The following CYRIB variants were observed in gnomAD, a reference collection of about 807,000 sequenced individuals.
CYRIB encodes CYFIP-related Rac1 interactor B.
CYRIB carries 8 observed loss-of-function variants against 44.2 expected under a neutral mutation model. The ratio of observed to expected loss-of-function variants is 0.18; its 90% confidence interval spans 0.11 to 0.33. The LOEUF (loss-of-function observed/expected upper bound fraction) is 0.33, where lower values mean the gene tolerates loss of function less well. Among genes scored for constraint, CYRIB ranks in the 10% least tolerant of loss-of-function variants. CYRIB has a pLI of 1.00. For missense variants in CYRIB, 185 were observed against 382.8 expected, an observed-to-expected ratio of 0.48 and a Z score of 4.31; for synonymous variants, 131 against 127.2, an observed-to-expected ratio of 1.03 and a Z score of -0.20.
chr8:129,931,333 T>C (rs948968230), intron 1 of CYRIB, among the ~76,000 whole-genome samples: 2 of 152,226 alleles, frequency 1.3e-5, no homozygotes, highest in African/African-American at 4.8e-5. Flanking sequence ...TGTGGTTTGA[T>C]ATAAAGAAAG....
At chr8:129,996,453 T>C (rs989808711) in intron 1 of CYRIB, among the ~76,000 whole-genome samples, 3 of 152,164 alleles carry the variant, frequency 2.0e-5, no homozygotes, top group Admixed American at 6.5e-5. Flanking sequence ...GCAGAATGGA[T>C]GTCCTGAGGA....
intron 1 of CYRIB, among the ~76,000 whole-genome samples, chr8:129,911,520 G>A (rs1051197715): frequency 1.1e-4 from 17 of 151,694 alleles, no homozygotes; most frequent in South Asian, 2.1e-4. Flanking sequence ...AATAACCCAC[G>A]GCCGGACGCG....
intron 2 of CYRIB, among the ~76,000 whole-genome samples, chr8:129,894,953 T>C (rs1328002342): frequency 6.7e-6 from 1 of 149,842 alleles, no homozygotes; most frequent in Non-Finnish European, 1.5e-5. Context: ...TTTATTTTTT[T>C]GAGACAGGGT....
chr8:129,878,394 G>T (rs1588341892), intron 3 of CYRIB, among the ~76,000 whole-genome samples: 1 of 152,302 alleles, frequency 6.6e-6, no homozygotes, highest in Admixed American at 6.5e-5. Flanking sequence ...CTAAATTGAA[G>T]TTGGAGGAAA....
chr8:129,856,510 G>C (rs2046286241), intron 5 of CYRIB, among the ~76,000 whole-genome samples: 1 of 152,064 alleles, frequency 6.6e-6, no homozygotes, highest in African/African-American at 2.4e-5. Context: ...ACAGATCACA[G>C]AACTGGAAAA....
At position 130,011,373 on chromosome 8, in the gene CYRIB, T is replaced by A. The variant is rs370912500; in HGVS notation, c.-296+4997A>T. ...CTGTCTCTACTAAAAATACAAAAATTAGCCTGGTGTGGTGGTACGCGCCTG... is the reference window on the plus strand; with the variant it reads ...CTGTCTCTACTAAAAATACAAAAATAAGCCTGGTGTGGTGGTACGCGCCTG... On this transcript the variant is annotated intron_variant, in intron 1 of 14. Coordinates refer to the CYRIB transcript ENST00000401979. Among the ~76,000 whole-genome samples, 13 of 151,384 alleles carry A rather than the reference T, an allele frequency of 8.6e-5. 1 individual carries two copies. The highest frequency in any genetic ancestry group is 5.9e-4 in the Admixed American group (9 of 15,196).
chr8:129,997,313 A>G (rs1222850900), intron 1 of CYRIB, among the ~76,000 whole-genome samples: 1 of 152,170 alleles, frequency 6.6e-6, no homozygotes, highest in Non-Finnish European at 1.5e-5. Flanking sequence ...TTCAATATCC[A>G]CAGTAGAAGA....
chr8:129,902,231 G>T (rs1054835309), intron 2 of CYRIB, among the ~76,000 whole-genome samples: 1 of 152,036 alleles, frequency 6.6e-6, no homozygotes, highest in Admixed American at 6.6e-5. Flanking sequence ...TATTGTTTTT[G>T]TTTTTTGACA....
intron 2 of CYRIB, among the ~76,000 whole-genome samples, chr8:129,882,565 T>G (rs2061176672): frequency 6.6e-6 from 1 of 152,216 alleles, no homozygotes; most frequent in South Asian, 2.1e-4. Context: ...AGAATATTGC[T>G]GAAATGTCCT....
At chr8:129,936,766 G>C (rs2092876035) in intron 1 of CYRIB, among the ~76,000 whole-genome samples, 1 of 149,206 alleles carries the variant, frequency 6.7e-6, no homozygotes, top group African/African-American at 2.5e-5. Context: ...GAGTGCAGTG[G>C]CGAGATCTTG....
intron 1 of CYRIB, among the ~76,000 whole-genome samples, chr8:129,916,079 T>G (rs1188954038): frequency 6.6e-6 from 1 of 152,220 alleles, no homozygotes; most frequent in South Asian, 2.1e-4. Context: ...AATGGGAAAG[T>G]TGAGACCCAG....
At chr8:129,867,995 G>A (rs895761047) in intron 4 of CYRIB, among the ~76,000 whole-genome samples, 2 of 152,156 alleles carry the variant, frequency 1.3e-5, no homozygotes, top group African/African-American at 4.8e-5. Flanking sequence ...TCTTCACAGT[G>A]ATGTGCACTT....
intron 1 of CYRIB, among the ~76,000 whole-genome samples, chr8:129,973,163 GA>G (rs938719322): frequency 1.3e-5 from 2 of 152,218 alleles, no homozygotes; most frequent in African/African-American, 4.8e-5. Context: ...CGCTCTGAAG[GA>G]AAGGGGATGA....
intron 2 of CYRIB, among the ~76,000 whole-genome samples, chr8:129,962,179 G>T (rs970395948): frequency 6.6e-6 from 1 of 152,034 alleles, no homozygotes; most frequent in Non-Finnish European, 1.5e-5. Flanking sequence ...GGGAAGTCAA[G>T]GCTGCAGTGA....
At chr8:129,867,794 T>A (rs2054619426) in intron 4 of CYRIB, among the ~76,000 whole-genome samples, 1 of 152,230 alleles carries the variant, frequency 6.6e-6, no homozygotes, top group African/African-American at 2.4e-5. Flanking sequence ...TACCAGTTTT[T>A]ACATTGACAT....
At chr8:129,909,763 C>T (rs1319968453) in intron 1 of CYRIB, among the ~76,000 whole-genome samples, 1 of 152,178 alleles carries the variant, frequency 6.6e-6, no homozygotes, top group Non-Finnish European at 1.5e-5. Flanking sequence ...CACAATATAG[C>T]TCTGCCTGGG....
intron 2 of CYRIB, among the ~76,000 whole-genome samples, chr8:129,953,201 G>A (rs149310668): frequency 7.6e-4 from 115 of 152,214 alleles, no homozygotes; most frequent in African/African-American, 2.5e-3. Context: ...TAAATGACAC[G>A]GATGATATAT....
At chr8:129,975,841 G>A (rs1002604933) in intron 1 of CYRIB, among the ~76,000 whole-genome samples, 2 of 152,014 alleles carry the variant, frequency 1.3e-5, no homozygotes, top group Non-Finnish European at 2.9e-5. Flanking sequence ...TACTGCAGCC[G>A]GGTCCCCACT....
At chr8:129,868,473 T>A (rs2132948170) in intron 4 of CYRIB, 2 of 152,340 alleles carry the variant, frequency 1.3e-5, no homozygotes, top group South Asian at 4.1e-4. Flanking sequence ...ATTTTGGTGT[T>A]CTTCAATGTT....
Sources: allele counts gnomAD v4.1 joint callset (sites outside exome capture counted in the v4.1 genomes callset), GRCh38; gene constraint gnomAD v4.1.1; transcripts MANE v1.5; gene names NCBI Gene and HGNC (gene_info 2026-07-23, HGNC 2026-07-21).